Variants in SAMMSON observed in about 807,000 individuals in gnomAD.
The protein encoded by SAMMSON is long intergenic non-protein coding RNA 1212.
At chr3:70,088,032 C>T (rs922509313) in intron 4 of SAMMSON, among the ~76,000 whole-genome samples, 1 of 152,080 alleles carries the variant, frequency 6.6e-6, no homozygotes, top group Non-Finnish European at 1.5e-5. Flanking sequence ...ATCCAGGGGC[C>T]TAACTAATGA....
At chr3:70,025,986 A>G (rs1264793519) in intron 3 of SAMMSON, among the ~76,000 whole-genome samples, 1 of 152,200 alleles carries the variant, frequency 6.6e-6, no homozygotes, top group Non-Finnish European at 1.5e-5. Context: ...GAAAATCAGC[A>G]TATAATTGGA....
At chr3:70,235,212 A>G (rs531949743) in intron 4 of SAMMSON, among the ~76,000 whole-genome samples, 5 of 152,294 alleles carry the variant, frequency 3.3e-5, no homozygotes, top group African/African-American at 1.2e-4. Flanking sequence ...ATGTGTCTTC[A>G]TCAACCGTCG....
At chr3:70,346,455 G>A (rs865975428) in intron 7 of SAMMSON, among the ~76,000 whole-genome samples, 30 of 151,804 alleles carry the variant, frequency 2.0e-4, no homozygotes, top group Admixed American at 6.6e-4. Context: ...TTGATTAATT[G>A]TGGTTAAGGT....
chr3:70,293,121 C>T (rs1402288899), intron 7 of SAMMSON, among the ~76,000 whole-genome samples: 1 of 149,998 alleles, frequency 6.7e-6, no homozygotes, highest in Non-Finnish European at 1.5e-5. Flanking sequence ...TCACCAACTG[C>T]TGCTCTCCCT....
At chr3:70,177,242 A>G (rs1013352397) in intron 4 of SAMMSON, among the ~76,000 whole-genome samples, 3 of 152,212 alleles carry the variant, frequency 2.0e-5, no homozygotes, top group Non-Finnish European at 4.4e-5. Context: ...AACAATTTAC[A>G]CTGGTACATA....
At chr3:70,408,802 C>T (rs891982123) in intron 2 of SAMMSON, among the ~76,000 whole-genome samples, 10 of 152,146 alleles carry the variant, frequency 6.6e-5, no homozygotes, top group Non-Finnish European at 1.3e-4. Context: ...AGCAATGCCC[C>T]TCTCTACTGG....
At chr3:70,184,274 T>C (rs1447389790) in intron 4 of SAMMSON, 4 of 152,212 alleles carry the variant, frequency 2.6e-5, no homozygotes, top group African/African-American at 9.6e-5. Context: ...ATTTAACATA[T>C]ATAGACAGGT....
At chr3:70,016,340 CTG>C (rs2066985655) in intron 3 of SAMMSON, among the ~76,000 whole-genome samples, 1 of 152,012 alleles carries the variant, frequency 6.6e-6, no homozygotes, top group Non-Finnish European at 1.5e-5. Flanking sequence ...TTTCATGTGT[CTG>C]TTGTCTGTAT....
chr3:70,258,201 G>T lies in SAMMSON; in HGVS notation n.674+8531G>T, dbSNP rs193217977. On this transcript the variant is annotated intron_variant and non_coding_transcript_variant, in intron 6 of 9. Coordinates refer to ENST00000642114, the Ensembl canonical transcript of SAMMSON. ...TCATGTTCTAGAATAAAATATAGGA[G>T]AAAATATTTGCAACTTTGAGCAATA... 4.2e-3 allele frequency among the ~76,000 whole-genome samples: 641 copies of T among 152,122 alleles called. 1 individual carries two copies. Among genetic ancestry groups the T allele is most frequent in the Non-Finnish European group, 6.3e-3 (429 of 67,980 alleles).
At chr3:70,142,356 A>T (rs1470719350) in intron 4 of SAMMSON, among the ~76,000 whole-genome samples, 1 of 152,240 alleles carries the variant, frequency 6.6e-6, no homozygotes, top group Non-Finnish European at 1.5e-5. Context: ...CTACTCAGCC[A>T]TAAAAAGGAA....
intron 1 of SAMMSON, among the ~76,000 whole-genome samples, chr3:70,005,450 A>G (rs751740550): frequency 6.6e-6 from 1 of 152,004 alleles, no homozygotes; most frequent in East Asian, 1.9e-4. Context: ...TTCTTTCTCC[A>G]TGTGGTGTTT....
intron 6 of SAMMSON, among the ~76,000 whole-genome samples, chr3:70,282,432 T>C (rs928706828): frequency 3.9e-5 from 6 of 152,148 alleles, no homozygotes; most frequent in Non-Finnish European, 7.4e-5. Flanking sequence ...ATTTTCCCTA[T>C]CTCTCAAATG....
At chr3:70,294,415 C>T (rs75481473) in intron 7 of SAMMSON, among the ~76,000 whole-genome samples, 4 of 151,732 alleles carry the variant, frequency 2.6e-5, no homozygotes, top group African/African-American at 7.3e-5. Flanking sequence ...ACTGTAGGTA[C>T]GTAGGAGAAT....
chr3:70,041,433 G>C (rs73836018), intron 3 of SAMMSON, among the ~76,000 whole-genome samples: 2,805 of 152,152 alleles, frequency 0.018, 87 homozygotes, highest in African/African-American at 0.062. Flanking sequence ...ATTGAGGCCT[G>C]TAAGAGGTGT....
Position 70,395,302 on chromosome 3 carries a change from TCTC to T in SAMMSON, n.233+36982_233+36984del, listed in dbSNP as rs143663462. Among the ~76,000 whole-genome samples the T allele has an allele frequency of 8.5e-3, 1,276 of 149,750 alleles. 15 individuals are homozygous for T. The highest frequency in any genetic ancestry group is 0.013 in the Non-Finnish European group (889 of 67,604). On this transcript the variant is annotated intron_variant and non_coding_transcript_variant, in intron 2 of 3. Transcript: ENST00000641053. ...AAGAACCCACTCACTGCATCTGAGT[TCTC>T]CTCTCCTCTCCTTCTCTCTCTCTCT...
chr3:70,167,975 A>G (rs2067644735), intron 4 of SAMMSON, among the ~76,000 whole-genome samples: 1 of 152,022 alleles, frequency 6.6e-6, no homozygotes. Context: ...TGAATCTTGG[A>G]GAGCTGACCT....
chr3:70,276,729 T>C (rs1216948086), intron 6 of SAMMSON, among the ~76,000 whole-genome samples: 1 of 152,344 alleles, frequency 6.6e-6, no homozygotes, highest in East Asian at 1.9e-4. Context: ...TGCTCATTAA[T>C]TTATGTATTA....
intron 4 of SAMMSON, among the ~76,000 whole-genome samples, chr3:70,197,503 C>T (rs992427967): frequency 1.3e-5 from 2 of 152,182 alleles, no homozygotes; most frequent in Admixed American, 6.5e-5. Flanking sequence ...AATTAGCTAC[C>T]TCTCTGGAAA....
chr3:70,262,620 A>T (rs1013858382), intron 6 of SAMMSON, among the ~76,000 whole-genome samples: 1 of 152,182 alleles, frequency 6.6e-6, no homozygotes, highest in Non-Finnish European at 1.5e-5. Flanking sequence ...ATATTCTGCT[A>T]GGTTCAAAGC....
Sources: allele counts gnomAD v4.1 joint callset (sites outside exome capture counted in the v4.1 genomes callset), GRCh38; gene constraint gnomAD v4.1.1; transcripts MANE v1.5; gene names NCBI Gene and HGNC (gene_info 2026-07-23, HGNC 2026-07-21).